The following WWP2 variants were observed in gnomAD, a reference collection of about 807,000 sequenced individuals.
WWP2 encodes NEDD4-like E3 ubiquitin-protein ligase WWP2.
WWP2 carries 57 observed loss-of-function variants against 121.0 expected under a neutral mutation model. The observed-to-expected ratio is 0.47, with a 90% CI of 0.38 to 0.59. The LOEUF (loss-of-function observed/expected upper bound fraction) is 0.59. Ranked by LOEUF, WWP2 falls within the 20% of genes least tolerant of loss-of-function variation. WWP2 has a pLI of 0.00. For synonymous variants in WWP2, 449 were observed against 441.3 expected (o/e 1.02, Z -0.22); for missense variants, 962 against 1,158.9 (o/e 0.83, Z 2.47).
intron 7 of WWP2, among the ~76,000 whole-genome samples, chr16:69,874,225 C>A (rs2057695017): frequency 6.6e-6 from 1 of 152,218 alleles, no homozygotes. Flanking sequence ...TATATAACGT[C>A]TGCCCCAAGG....
chr16:69,825,859 A>G (rs1438812444), intron 4 of WWP2, among the ~76,000 whole-genome samples: 1 of 152,132 alleles, frequency 6.6e-6, no homozygotes, highest in Non-Finnish European at 1.5e-5. Context: ...ACTGGGCTCA[A>G]GGGATTTTCT....
At chr16:69,848,341 G>C (rs954685296) in intron 6 of WWP2, among the ~76,000 whole-genome samples, 1 of 152,004 alleles carries the variant, frequency 6.6e-6, no homozygotes, top group South Asian at 2.1e-4. Flanking sequence ...TCCCGGCTAC[G>C]TGGGGAGCTG....
At chr16:69,849,535 C>T (rs2057161292) in intron 6 of WWP2, among the ~76,000 whole-genome samples, 1 of 147,126 alleles carries the variant, frequency 6.8e-6, no homozygotes, top group African/African-American at 2.5e-5. Flanking sequence ...AAGACATAGT[C>T]CCTGCTCAAA....
At chr16:69,768,753 T>C (rs2055352307) in intron 1 of WWP2, among the ~76,000 whole-genome samples, 1 of 152,226 alleles carries the variant, frequency 6.6e-6, no homozygotes, top group African/African-American at 2.4e-5. Context: ...TCTTTTATTC[T>C]TAGCCTGTAA....
intron 1 of WWP2, among the ~76,000 whole-genome samples, chr16:69,778,173 A>AATAT (rs1199845166): frequency 0.012 from 1,359 of 117,948 alleles, 16 homozygotes; most frequent in Middle Eastern, 0.084. Flanking sequence ...ACTATAAATA[A>AATAT]ATATATATAT....
At chr16:69,913,538 A>G (rs1311808053) in intron 9 of WWP2, among the ~76,000 whole-genome samples, 2 of 151,996 alleles carry the variant, frequency 1.3e-5, no homozygotes, top group Non-Finnish European at 2.9e-5. Context: ...AAATGTGAAC[A>G]AACAGCCAAA....
At chr16:69,915,733 C>T (rs1393164303) in intron 9 of WWP2, among the ~76,000 whole-genome samples, 1 of 152,040 alleles carries the variant, frequency 6.6e-6, no homozygotes, top group African/African-American at 2.4e-5. Context: ...TGTTTCAAAA[C>T]TATATACATA....
In WWP2 at chr16:69,888,160, A is replaced by G; in HGVS notation, c.825A>G (p.Pro275=). 1 of 1,614,152 alleles carries G rather than the reference A, an allele frequency of 6.2e-7. No homozygotes were observed. The highest frequency in any genetic ancestry group is 8.5e-7 in the Non-Finnish European group (1 of 1,180,022). The change falls in exon 8 of 24, where the codon CCA becomes CCG. Residue 275 remains proline, a synonymous_variant. Coordinates refer to ENST00000359154, the MANE Select transcript of WWP2 (RefSeq NM_001270454.2). ...PNPNTTSLPA[P]ATPAEGEEPS... is the part of the protein sequence containing the mutation. Reference sequence around the variant, plus strand: ...CCAACACGACTTCTCTCCCTGCCCCAGCCACACCGGCTGAAGGAGAGGAAC... The same window carrying G: ...CCAACACGACTTCTCTCCCTGCCCCGGCCACACCGGCTGAAGGAGAGGAAC...
chr16:69,918,815 A>T (rs1183629393), intron 10 of WWP2, among the ~76,000 whole-genome samples: 2 of 151,964 alleles, frequency 1.3e-5, no homozygotes, highest in African/African-American at 4.8e-5. Flanking sequence ...CCTAAAGAGT[A>T]ACATTTAAAT....
chr16:69,772,924 G>A (rs895756346), intron 1 of WWP2, among the ~76,000 whole-genome samples: 1 of 152,014 alleles, frequency 6.6e-6, no homozygotes, highest in Non-Finnish European at 1.5e-5. Context: ...CCAAAATTTT[G>A]CTGCTGTTTC....
At chr16:69,865,607 C>T (rs1439026083) in intron 6 of WWP2, among the ~76,000 whole-genome samples, 4 of 152,172 alleles carry the variant, frequency 2.6e-5, no homozygotes, top group Admixed American at 6.5e-5. Context: ...CAGTAATTTA[C>T]GCTAAACTGG....
At chr16:69,919,787 CTT>C (rs1326246941) in intron 10 of WWP2, among the ~76,000 whole-genome samples, 6,571 of 124,230 alleles carry the variant, frequency 0.053, 440 homozygotes, top group African/African-American at 0.19. Flanking sequence ...GGGTCCCTGA[CTT>C]TTTTTTTTTT....
rs750367617 is a variant in WWP2, at chr16:69,929,549, G to C, written c.1316+20G>C. On this transcript the variant is annotated intron_variant, in intron 12 of 23. Coordinates refer to ENST00000359154, the MANE Select transcript of WWP2 (RefSeq NM_001270454.2). ...CCAGGGGTAAGGACTTGGGCTGAGA[G>C]GGGGGCCGGGCTGGGCTGGGTCTCT... The C allele has an allele frequency of 4.0e-5, 64 of 1,611,570 alleles. No individual in the cohort carries two copies. In the South Asian group the frequency reaches 5.7e-4, roughly 14 times the overall value.
At chr16:69,776,130 G>A (rs988325538) in intron 1 of WWP2, 4 of 152,182 alleles carry the variant, frequency 2.6e-5, no homozygotes, top group Admixed American at 6.5e-5. Context: ...TAGTCTTTTA[G>A]TGGGCCTGTG....
intron 10 of WWP2, among the ~76,000 whole-genome samples, chr16:69,919,367 A>C (rs1480924939): frequency 6.6e-6 from 1 of 151,940 alleles, no homozygotes; most frequent in East Asian, 1.9e-4. Context: ...GGGTTTCACC[A>C]TGTTAGTCAG....
chr16:69,822,106 A>G (rs2151845910), intron 4 of WWP2, among the ~76,000 whole-genome samples: 1 of 152,178 alleles, frequency 6.6e-6, no homozygotes, highest in African/African-American at 2.4e-5. Context: ...GGCTCAAGCG[A>G]TCCTTCCACC....
At chr16:69,816,360 T>G (rs1033110544) in intron 4 of WWP2, among the ~76,000 whole-genome samples, 1 of 151,250 alleles carries the variant, frequency 6.6e-6, no homozygotes, top group Non-Finnish European at 1.5e-5. Context: ...GGTGAGAGGA[T>G]GACTTGAAGC....
rs113621256 is a variant in WWP2 at position 69,905,155 on chromosome 16, C to G, written c.915-3606C>G. Among the ~76,000 whole-genome samples, 6 of 152,350 alleles carry G rather than the reference C, an allele frequency of 3.9e-5. 1 individual carries two copies. The highest frequency in any genetic ancestry group is 1.4e-4 in the African/African-American group (6 of 41,580). On this transcript the variant is annotated intron_variant, in intron 8 of 23. Transcript: ENST00000359154. ...ACTTGCCGCTCACACTGCTTGGCAG[C>G]GCTCTCTGAGCCTCTCCTGGTTCTG...
rs369099762 is a variant in WWP2 at position 69,911,511 on chromosome 16, G to A, written c.1004+2661G>A. Among the ~76,000 whole-genome samples the A allele has an allele frequency of 1.8e-4, 27 of 152,278 alleles. No individual in the cohort carries two copies. In the South Asian group the frequency reaches 4.8e-3, roughly 27 times the overall value. On this transcript the variant is annotated intron_variant, in intron 9 of 23. Transcript: ENST00000359154. ...ATGGGGTGGTTATGCTGGAGTGGAA[G>A]GGTTGTATGAAGTAAAGAAGTCCAA...
Sources: gnomAD v4.1 joint callset for allele counts (sites outside exome capture counted in the v4.1 genomes callset) on GRCh38, gnomAD v4.1.1 for gene constraint, MANE v1.5 for transcripts, NCBI Gene and HGNC (gene_info 2026-07-23, HGNC 2026-07-21) for gene names.